The following LDLRAD3 variants were observed in gnomAD, a reference collection of about 807,000 sequenced individuals.
The protein encoded by LDLRAD3 is low density lipoprotein receptor class A domain containing 3, also known as low-density lipoprotein receptor class A domain-containing protein 3.
A neutral mutation model predicts 29.4 loss-of-function variants in LDLRAD3; 20 were observed. The observed-to-expected ratio is 0.68, with a 90% confidence interval of 0.48 to 0.99. The LOEUF (loss-of-function observed/expected upper bound fraction) is 0.99, where lower values mean the gene tolerates loss of function less well. LDLRAD3 is among the 50% of genes least tolerant of loss of function. LDLRAD3 has a pLI of 0.00. For missense variants in LDLRAD3, 420 were observed against 454.3 expected (o/e 0.92, Z 0.69); for synonymous variants, 157 against 192.7 (o/e 0.81, Z 1.53).
intron 1 of LDLRAD3, among the ~76,000 whole-genome samples, chr11:35,985,117 G>C (rs923720485): frequency 6.6e-6 from 1 of 151,786 alleles, no homozygotes; most frequent in Non-Finnish European, 1.5e-5. Flanking sequence ...TTTTTGTAGA[G>C]ATGAGCTCTT....
Position 36,109,925 on chromosome 11 carries a change from A to C in LDLRAD3, c.454+11464A>C, listed in dbSNP as rs994102443. 2.0e-5 allele frequency: 3 copies of C among 152,210 alleles called. No individual in the cohort carries two copies. The East Asian group carries it at 5.8e-4, about 29-fold the overall frequency. 9.4% of individuals were successfully genotyped at this position (152,210 alleles called of 1,614,324 possible). ...CCTTAAGGAATTCCTGTAGATTTTC[A>C]TAGAATGAAGCTGCTGGAGGTCCAT... is the stretch of plus-strand genomic sequence containing the variant. On this transcript the variant is annotated intron_variant, in intron 4 of 5. Coordinates refer to ENST00000315571, the MANE Select transcript of LDLRAD3 (RefSeq NM_174902.4).
rs1023467679 is a variant in LDLRAD3, at chr11:35,944,850, G to A, written c.46+706G>A. 6.6e-6 allele frequency among the ~76,000 whole-genome samples: 1 copy of A among 152,220 alleles called. No individual in the cohort carries two copies. ...TGGGAGAGGACACGGGGCTTCATCC[G>A]GCGGCCCTTTGAACCTGGCATCACC... On this transcript the variant is annotated intron_variant, in intron 1 of 5. Coordinates refer to ENST00000315571, the MANE Select transcript of LDLRAD3 (RefSeq NM_174902.4). The surrounding 1 kb of genome is among the most constrained non-coding windows in gnomAD (Gnocchi z 4.9).
At chr11:36,188,971 C>CTT (rs34522525) in intron 4 of LDLRAD3, among the ~76,000 whole-genome samples, 20 of 143,490 alleles carry the variant, frequency 1.4e-4, no homozygotes, top group African/African-American at 4.3e-4. Flanking sequence ...CAACCAAGAG[C>CTT]TTTTTTTTTT....
chr11:36,129,184 G>C (rs148549238), intron 4 of LDLRAD3, among the ~76,000 whole-genome samples: 45 of 152,174 alleles, frequency 3.0e-4, no homozygotes, highest in African/African-American at 9.2e-4. Context: ...GGTTAATTTA[G>C]AAGAGCATAT....
At chr11:36,071,887 C>T (rs989764922) in intron 2 of LDLRAD3, among the ~76,000 whole-genome samples, 12 of 152,334 alleles carry the variant, frequency 7.9e-5, no homozygotes, top group African/African-American at 2.9e-4. Context: ...TCCATTTGCA[C>T]ACACTAGTTT....
chr11:36,225,314 G>A (rs1417132316), intron 4 of LDLRAD3, among the ~76,000 whole-genome samples: 1 of 152,230 alleles, frequency 6.6e-6, no homozygotes, highest in Non-Finnish European at 1.5e-5. Flanking sequence ...CATGACAGTA[G>A]GTAGTGGCAG....
chr11:36,221,076 G>A (rs192019834), intron 4 of LDLRAD3, among the ~76,000 whole-genome samples: 8 of 151,392 alleles, frequency 5.3e-5, no homozygotes, highest in South Asian at 2.1e-4. Context: ...GGCCAGGCAC[G>A]GTGGCTCACA....
chr11:36,150,276 T>A (rs555932567), intron 4 of LDLRAD3, among the ~76,000 whole-genome samples: 2 of 152,164 alleles, frequency 1.3e-5, no homozygotes, highest in Admixed American at 1.3e-4. Context: ...ACGTGTAATC[T>A]CAACACTTTG....
At chr11:36,136,827 A>T (rs889694266) in intron 4 of LDLRAD3, among the ~76,000 whole-genome samples, 2 of 151,772 alleles carry the variant, frequency 1.3e-5, no homozygotes, top group Admixed American at 6.6e-5. Context: ...AGTAGCTGGG[A>T]TTACAGGTGT....
At chr11:36,146,665 C>T (rs2133322981) in intron 4 of LDLRAD3, among the ~76,000 whole-genome samples, 1 of 152,308 alleles carries the variant, frequency 6.6e-6, no homozygotes, top group Non-Finnish European at 1.5e-5. Context: ...CAATCCTTGG[C>T]ATTTCTTGGC....
intron 3 of LDLRAD3, among the ~76,000 whole-genome samples, chr11:36,084,970 A>G (rs1046901435): frequency 2.0e-5 from 3 of 152,356 alleles, no homozygotes; most frequent in South Asian, 4.1e-4. Context: ...TAAATATTCA[A>G]ACATATTTTG....
At chr11:36,011,963 T>C (rs1429082729) in intron 1 of LDLRAD3, among the ~76,000 whole-genome samples, 1 of 152,178 alleles carries the variant, frequency 6.6e-6, no homozygotes, top group Non-Finnish European at 1.5e-5. Context: ...TGCATGACTG[T>C]GGGGAAGAAG....
At chr11:35,999,433 GGGGCCT>G (rs917014456) in intron 1 of LDLRAD3, among the ~76,000 whole-genome samples, 26 of 152,170 alleles carry the variant, frequency 1.7e-4, no homozygotes, top group Admixed American at 5.9e-4. Context: ...GACTGCTCCA[GGGGCCT>G]GGCTGCAGCC....
chr11:36,153,966 G>A (rs1237853052), intron 4 of LDLRAD3, among the ~76,000 whole-genome samples: 1 of 152,130 alleles, frequency 6.6e-6, no homozygotes, highest in African/African-American at 2.4e-5. Context: ...TTAAACATTG[G>A]TTGGAATTGT....
At chr11:35,989,665 A>G (rs1226787638) in intron 1 of LDLRAD3, among the ~76,000 whole-genome samples, 2 of 152,140 alleles carry the variant, frequency 1.3e-5, no homozygotes, top group African/African-American at 4.8e-5. Flanking sequence ...TTTTGTGGCT[A>G]TTATAAATGG....
intron 4 of LDLRAD3, among the ~76,000 whole-genome samples, chr11:36,125,424 A>G (rs1035204886): frequency 1.3e-5 from 2 of 152,248 alleles, no homozygotes; most frequent in Non-Finnish European, 2.9e-5. Flanking sequence ...ATTAAGACAT[A>G]AAAATGCTTT....
chr11:35,982,787 T>C (rs1242940107), intron 1 of LDLRAD3, among the ~76,000 whole-genome samples: 2 of 151,766 alleles, frequency 1.3e-5, no homozygotes, highest in African/African-American at 4.8e-5. Context: ...GTGCATTCCA[T>C]TCCTTTCCCA....
chr11:36,061,161 CAG>C (rs1852692762), intron 2 of LDLRAD3, among the ~76,000 whole-genome samples: 1 of 152,096 alleles, frequency 6.6e-6, no homozygotes. Context: ...TCCCCTGAGA[CAG>C]AGTCTCGCTC....
chr11:36,194,052 G>A (rs1384977094), intron 4 of LDLRAD3, among the ~76,000 whole-genome samples: 1 of 152,096 alleles, frequency 6.6e-6, no homozygotes, highest in East Asian at 1.9e-4. Context: ...ATCACATCTG[G>A]CATTTAGCTG....
Sources: gnomAD v4.1 joint callset for allele counts (sites outside exome capture counted in the v4.1 genomes callset) on GRCh38, gnomAD v4.1.1 for gene constraint, Gnocchi (gnomAD v3.1) non-coding constraint, MANE v1.5 for transcripts, NCBI Gene and HGNC (gene_info 2026-07-23, HGNC 2026-07-21) for gene names.